HS6ST2: variants seen among roughly 807,000 people sequenced by gnomAD.
HS6ST2 encodes the protein heparan-sulfate 6-O-sulfotransferase 2.
A neutral mutation model predicts 33.0 loss-of-function variants in HS6ST2; 17 were observed. The ratio of observed to expected loss-of-function variants is 0.52; its 90% CI spans 0.35 to 0.77. The LOEUF (loss-of-function observed/expected upper bound fraction) is 0.77. Ranked by LOEUF, HS6ST2 falls within the 30% of genes least tolerant of loss-of-function variation. The pLI is 0.01. For missense variants in HS6ST2, 519 were observed against 551.7 expected, an observed-to-expected ratio of 0.94 and a Z score of 0.59; for synonymous variants, 248 against 237.1, an observed-to-expected ratio of 1.05 and a Z score of -0.42.
chrX:132,744,237 C>T (rs758140776), intron 2 of HS6ST2, among the ~76,000 whole-genome samples: 3 of 111,977 alleles, frequency 2.7e-5, no homozygotes, highest in African/African-American at 9.7e-5. Context: ...ATATTTACTC[C>T]TATGGCTGGA....
chrX:132,632,401 A>G (rs1042057006), intron 4 of HS6ST2, among the ~76,000 whole-genome samples: 1 of 111,225 alleles, frequency 9.0e-6, no homozygotes, highest in Admixed American at 9.6e-5. Flanking sequence ...TAAAGATAAC[A>G]CCTTGGAGGT....
At chrX:132,952,860 T>C (rs2067028783) in intron 2 of HS6ST2, among the ~76,000 whole-genome samples, 1 of 111,392 alleles carries the variant, frequency 9.0e-6, no homozygotes, top group Non-Finnish European at 1.9e-5. Flanking sequence ...CTCAGGGATG[T>C]AGAAATCTGT....
chrX:132,814,569 A>G (rs2065379299), intron 2 of HS6ST2, among the ~76,000 whole-genome samples: 1 of 111,565 alleles, frequency 9.0e-6, no homozygotes, highest in South Asian at 3.7e-4. Flanking sequence ...GTTGGAGTGC[A>G]GTGGCACGAT....
At position 132,637,838 on chromosome X, in the gene HS6ST2, T is replaced by A. The variant is rs1339882649; in HGVS notation, c.1068-8745A>T. ...TTTATATATATAATATTATATATAA[T>A]ATTTTATATATAATATATATATAAT... On this transcript the variant is annotated intron_variant, in intron 4 of 4. Transcript: ENST00000370833. 9.3e-5 allele frequency among the ~76,000 whole-genome samples: 4 copies of A among 43,206 alleles called. No homozygotes were observed. The African/African-American group carries it at 1.3e-3, about 14-fold the overall frequency. 37.5% of individuals were successfully genotyped at this position (43,206 alleles called of 115,157 possible). A position where few individuals can be genotyped will look rare whatever the true frequency, so the allele number is the denominator to read the frequency against.
intron 4 of HS6ST2, among the ~76,000 whole-genome samples, chrX:132,637,906 A>G (rs1411201529): frequency 9.8e-5 from 5 of 51,059 alleles, no homozygotes; most frequent in African/African-American, 2.2e-4. Context: ...ATATAATATT[A>G]TATATAATAT....
chrX:132,835,011 C>T (rs1309443988), intron 2 of HS6ST2, among the ~76,000 whole-genome samples: 2 of 111,670 alleles, frequency 1.8e-5, no homozygotes, highest in East Asian at 5.6e-4. Flanking sequence ...GAATTCATTT[C>T]TCCATATTGA....
intron 2 of HS6ST2, among the ~76,000 whole-genome samples, chrX:132,839,308 A>G (rs1040516231): frequency 1.2e-4 from 3 of 25,970 alleles, no homozygotes; most frequent in Non-Finnish European, 1.4e-4. Flanking sequence ...ATATATATAT[A>G]TATATATACA....
At chrX:132,705,183 GCA>G (rs1434576789) in intron 3 of HS6ST2, among the ~76,000 whole-genome samples, 10 of 45,707 alleles carry the variant, frequency 2.2e-4, no homozygotes, top group Admixed American at 3.4e-4. Context: ...GAAGATGTGG[GCA>G]CGCGTGTGTG....
chrX:132,873,551 A>T (rs1368710763), intron 2 of HS6ST2, among the ~76,000 whole-genome samples: 1 of 112,070 alleles, frequency 8.9e-6, no homozygotes, highest in African/African-American at 3.2e-5. Flanking sequence ...TATGGAAATC[A>T]TATGCCCAGC....
chrX:132,772,452 G>A (rs762829562), intron 2 of HS6ST2, among the ~76,000 whole-genome samples: 3 of 108,399 alleles, frequency 2.8e-5, no homozygotes, highest in South Asian at 7.7e-4. Flanking sequence ...GTGCTGGCAA[G>A]GCCATTTCTG....
At chrX:132,835,788 C>T (rs1336644177) in intron 2 of HS6ST2, among the ~76,000 whole-genome samples, 10 of 111,465 alleles carry the variant, frequency 9.0e-5, no homozygotes, top group Admixed American at 5.7e-4. Flanking sequence ...AGGTGGCAGG[C>T]GCCTGTAATC....
chrX:132,846,763 G>C (rs1479750786), intron 2 of HS6ST2, among the ~76,000 whole-genome samples: 1 of 110,522 alleles, frequency 9.0e-6, no homozygotes, highest in African/African-American at 3.3e-5. Context: ...CAGAGCAGTG[G>C]TGCTTGGCTA....
At chrX:132,896,718 C>CA (rs1170551301) in intron 2 of HS6ST2, among the ~76,000 whole-genome samples, 2 of 110,915 alleles carry the variant, frequency 1.8e-5, no homozygotes, top group African/African-American at 6.6e-5. Context: ...TATGTACCCA[C>CA]AAAAAATTAA....
At chrX:132,750,838 CT>C (rs2064699973) in intron 2 of HS6ST2, among the ~76,000 whole-genome samples, 1 of 112,304 alleles carries the variant, frequency 8.9e-6, no homozygotes, top group African/African-American at 3.2e-5. Context: ...GTACATCTCT[CT>C]TGATGTTTTA....
intron 2 of HS6ST2, among the ~76,000 whole-genome samples, chrX:132,802,147 A>G (rs182625561): frequency 4.7e-4 from 53 of 112,392 alleles, no homozygotes; most frequent in East Asian, 2.8e-3. Context: ...GCAGGTGATG[A>G]TAACAAGGAA....
intron 2 of HS6ST2, chrX:132,708,730 G>T: frequency 3.2e-6 from 1 of 308,683 alleles, no homozygotes; most frequent in Non-Finnish European, 5.7e-6. Context: ...CAGATCCCTG[G>T]AGTGCTGTGG....
chrX:132,736,294 G>T (rs189219939), intron 2 of HS6ST2, among the ~76,000 whole-genome samples: 2 of 111,664 alleles, frequency 1.8e-5, no homozygotes, highest in Admixed American at 9.5e-5. Context: ...TTTAATCAAA[G>T]GTCTTAAGAA....
chrX:132,832,010 T>C (rs1177883165), intron 2 of HS6ST2, among the ~76,000 whole-genome samples: 1 of 111,565 alleles, frequency 9.0e-6, no homozygotes, highest in Non-Finnish European at 1.9e-5. Flanking sequence ...GCAAACATTA[T>C]AGGAGACAAA....
intron 4 of HS6ST2, among the ~76,000 whole-genome samples, chrX:132,656,680 C>CAT (rs2063731968): frequency 8.9e-6 from 1 of 111,748 alleles, no homozygotes; most frequent in Admixed American, 9.5e-5. Context: ...TAAGTGTGAA[C>CAT]ATATGGTTTT....
Sources: allele counts gnomAD v4.1 joint callset (sites outside exome capture counted in the v4.1 genomes callset), GRCh38; gene constraint gnomAD v4.1.1; transcripts MANE v1.5; gene names NCBI Gene and HGNC (gene_info 2026-07-23, HGNC 2026-07-21).